CCDC97: variants seen among roughly 807,000 people sequenced by gnomAD.
CCDC97 encodes the protein coiled-coil domain containing 97, also known as coiled-coil domain-containing protein 97.
A neutral mutation model predicts 33.9 loss-of-function variants in CCDC97; 27 were observed. The observed-to-expected ratio is 0.80, with a 90% CI of 0.59 to 1.10. The LOEUF is 1.10. Among genes scored for constraint, CCDC97 ranks in the 50% least tolerant of loss-of-function variants. CCDC97 has a pLI of 0.00. For synonymous variants in CCDC97, 217 were observed against 194.0 expected, an observed-to-expected ratio of 1.12 and a Z score of -0.99; for missense variants, 422 against 476.6, an observed-to-expected ratio of 0.89 and a Z score of 1.07.
intron 1 of CCDC97, among the ~76,000 whole-genome samples, chr19:41,313,375 C>T (rs1035014753): frequency 2.6e-5 from 4 of 152,130 alleles, no homozygotes; most frequent in East Asian, 1.9e-4. Context: ...CTGGATGCCT[C>T]CCTTACTTCC....
Position 41,319,748 on chromosome 19 carries a change from A to G in CCDC97, c.677A>G (p.Gln226Arg). 2 of 1,613,738 alleles carry G rather than the reference A, an allele frequency of 1.2e-6. No homozygotes were observed. Among genetic ancestry groups the G allele is most frequent in the Non-Finnish European group, 1.7e-6 (2 of 1,179,818 alleles). Residue 226 changes from glutamine (Q) to arginine (R), a missense_variant, in exon 3 of 5, where the codon CAG becomes CGG. Physicochemically the swap from Gln to Arg is conservative, Grantham distance 43. Coordinates refer to ENST00000269967, the MANE Select transcript of CCDC97 (RefSeq NM_052848.3). ...TGCCCGCTCTCCAACTTGCTGCTCCAGTCCTACGAGGAGCGGGAGCTACAG... is the reference window on the plus strand; with the variant it reads ...TGCCCGCTCTCCAACTTGCTGCTCCGGTCCTACGAGGAGCGGGAGCTACAG... Reference protein sequence around the residue: ...PACPLSNLLLQSYEERELQQR... With the variant: ...PACPLSNLLLRSYEERELQQR...
At chr19:41,313,794 G>A (rs183082514) in intron 1 of CCDC97, among the ~76,000 whole-genome samples, 42 of 152,170 alleles carry the variant, frequency 2.8e-4, no homozygotes, top group African/African-American at 9.9e-4. Context: ...CTGCCTCATG[G>A]GTTCAAGCGA....
At chr19:41,314,633 T>G (rs1413466508) in intron 1 of CCDC97, among the ~76,000 whole-genome samples, 2 of 152,262 alleles carry the variant, frequency 1.3e-5, no homozygotes, top group Non-Finnish European at 2.9e-5. Flanking sequence ...CCTCATGGCT[T>G]AATCCCTCAC....
chr19:41,319,424 T>A (rs901615750), intron 2 of CCDC97, 150 bp from the exon 3 acceptor site: 6 of 628,154 alleles, frequency 9.6e-6, no homozygotes, highest in Non-Finnish European at 1.6e-5. Context: ...CTCAGGTGCC[T>A]GCATGTTTTC....
Position 41,313,073 on chromosome 19 carries a change from C to CT in CCDC97, c.46+2726dup, listed in dbSNP as rs1003499829. Among the ~76,000 whole-genome samples the CT allele has an allele frequency of 6.7e-4, 102 of 151,278 alleles. 1 individual carries two copies. Among genetic ancestry groups the CT allele is most frequent in the African/African-American group, 1.8e-3 (76 of 41,282 alleles). On this transcript the variant is annotated intron_variant, in intron 1 of 4. Transcript: ENST00000269967. ...AGGGGTGAGCCATTGCAACCGGCCT[C>CT]TTTTTTTTTAAGATAACAGTAATGG...
Position 41,322,790 on chromosome 19 carries a change from C to A in CCDC97, c.*75C>A. ...AGCTGATTCCAGGCCTGCTCAGTGA[C>A]CCTTTCTCTAGGGGGACATCAGGGC... On this transcript the variant is annotated 3_prime_UTR_variant, in exon 5 of 5. Transcript: ENST00000269967. 1 of 1,546,742 alleles carries A rather than the reference C, an allele frequency of 6.5e-7. No homozygotes were observed. The highest frequency in any genetic ancestry group is 2.3e-5 in the East Asian group (1 of 43,816).
At position 41,316,640 on chromosome 19, in the gene CCDC97, C is replaced by G; in HGVS notation, c.303C>G (p.His101Gln). 1 of 1,614,188 alleles carries G rather than the reference C, an allele frequency of 6.2e-7. No individual in the cohort carries two copies. The change falls in exon 2 of 5, where the codon CAC (histidine) becomes CAG (glutamine). Residue 101 changes from histidine to glutamine, a missense_variant. Transcript: ENST00000269967. ...TGGCCATCCTGGCCCAGCTGTACCA[C>G]GAGAAGCCACTGGTGTTCCTGGAGC... is the stretch of plus-strand genomic sequence containing the variant. ...EKVAILAQLY[H>Q]EKPLVFLERF...
In CCDC97 at chr19:41,320,379, G is replaced by C; in HGVS notation, c.820G>C (p.Asp274His). Residue 274 changes from aspartate to histidine, a missense_variant, in exon 4 of 5, where the codon GAC (aspartate) becomes CAC (histidine). Physicochemically the swap from Asp to His is moderately conservative, Grantham distance 81 (BLOSUM62 -1). Coordinates refer to ENST00000269967, the MANE Select transcript of CCDC97 (RefSeq NM_052848.3). ...CAAGGACTCGGAGGCCTGGGTTCCC[G>C]ACTCGGAGGAGAGGCTGATCCTGCG... ...SGKDSEAWVP[D>H]SEERLILREE... 1 of 1,614,078 alleles carries C rather than the reference G, an allele frequency of 6.2e-7. No individual in the cohort carries two copies. Among genetic ancestry groups the C allele is most frequent in the South Asian group, 1.1e-5 (1 of 91,058 alleles).
At chr19:41,314,394 A>G (rs1456559666) in intron 1 of CCDC97, among the ~76,000 whole-genome samples, 1 of 152,110 alleles carries the variant, frequency 6.6e-6, no homozygotes, top group Non-Finnish European at 1.5e-5. Context: ...CACCTGCCAC[A>G]GCCTCCCAAA....
chr19:41,324,578 T>G lies in CCDC97; in HGVS notation c.*1863T>G, dbSNP rs889069343. Reference sequence around the variant, plus strand: ...CAGACAGGATCAGGTCATCTTGATATGGAGATCAGTCCCCAAATCACTGAA... The same window carrying G: ...CAGACAGGATCAGGTCATCTTGATAGGGAGATCAGTCCCCAAATCACTGAA... On this transcript the variant is annotated 3_prime_UTR_variant, in exon 5 of 5. Coordinates refer to ENST00000269967, the MANE Select transcript of CCDC97 (RefSeq NM_052848.3). The G allele has an allele frequency of 2.0e-5, 3 of 152,284 alleles. No individual in the cohort carries two copies. The highest frequency in any genetic ancestry group is 4.4e-5 in the Non-Finnish European group (3 of 68,066). The allele number at this position is 152,284 out of a possible 1,614,324, so 9.4% of individuals were successfully genotyped here.
Position 41,322,980 on chromosome 19 carries a change from C to T in CCDC97, c.*265C>T, listed in dbSNP as rs1599877990. On this transcript the variant is annotated 3_prime_UTR_variant, in exon 5 of 5. Coordinates refer to ENST00000269967, the MANE Select transcript of CCDC97 (RefSeq NM_052848.3). ...TGGGCTTCTTTCTGTCTCTTTCTGT[C>T]TTTCTGTCTCTCTCCCTACCCCCGC... 1 of 300,662 alleles carries T rather than the reference C, an allele frequency of 3.3e-6. No individual in the cohort carries two copies. Among genetic ancestry groups the T allele is most frequent in the East Asian group, 7.2e-5 (1 of 13,808 alleles). 18.6% of individuals were successfully genotyped at this position (300,662 alleles called of 1,614,324 possible). A position where few individuals can be genotyped will look rare whatever the true frequency, so the allele number is the denominator to read the frequency against.
At chr19:41,311,442 A>G (rs970349321) in intron 1 of CCDC97, among the ~76,000 whole-genome samples, 2 of 151,828 alleles carry the variant, frequency 1.3e-5, no homozygotes, top group Non-Finnish European at 2.9e-5. Flanking sequence ...CAAAAAATTT[A>G]AAAATTAAGG....
At chr19:41,316,059 C>T (rs540197861) in intron 1 of CCDC97, among the ~76,000 whole-genome samples, 48 of 152,288 alleles carry the variant, frequency 3.2e-4, no homozygotes, top group Non-Finnish European at 6.5e-4. Context: ...GCGCCCTGCA[C>T]TCCAGCCTGG....
chr19:41,313,581 C>T (rs945949998), intron 1 of CCDC97, among the ~76,000 whole-genome samples: 5 of 152,216 alleles, frequency 3.3e-5, no homozygotes, highest in African/African-American at 1.2e-4. Context: ...AACCCAGCCA[C>T]GCTGCTTAAA....
At chr19:41,312,919 A>C (rs1293869690) in intron 1 of CCDC97, among the ~76,000 whole-genome samples, 1 of 151,886 alleles carries the variant, frequency 6.6e-6, no homozygotes, top group African/African-American at 2.4e-5. Flanking sequence ...ACCTGGGACT[A>C]CAGGAGTGCG....
rs1382830010 is a variant in CCDC97 at position 41,316,664 on chromosome 19, G to T, written c.327G>T (p.Glu109Asp). 3 of 1,614,056 alleles carry T rather than the reference G, an allele frequency of 1.9e-6. No individual in the cohort carries two copies. The Admixed American group carries it at 5.0e-5, about 27-fold the overall frequency. Residue 109 changes from glutamate (E) to aspartate (D), a missense_variant, in exon 2 of 5, where the codon GAG (glutamate) becomes GAT (aspartate). Transcript: ENST00000269967. Reference protein sequence around the residue: ...LYHEKPLVFLERFRTGLREEH... With the variant: ...LYHEKPLVFLDRFRTGLREEH... ...ACGAGAAGCCACTGGTGTTCCTGGA[G>T]CGCTTCCGCACAGGCCTCCGTGAGG... is the stretch of plus-strand genomic sequence containing the variant.
In CCDC97 at chr19:41,322,946, G is replaced by A. The variant is rs2037840520; in HGVS notation, c.*231G>A. 8 of 380,678 alleles carry A rather than the reference G, an allele frequency of 2.1e-5. No individual in the cohort carries two copies. The highest frequency in any genetic ancestry group is 2.9e-5 in the Non-Finnish European group (6 of 207,756). The allele number at this position is 380,678 out of a possible 1,614,324, so 23.6% of individuals were successfully genotyped here. ...CTGTCTCCTGCCTCTGTCTTTCTTG[G>A]TGTCTGTCTGGGCTTCTTTCTGTCT... On this transcript the variant is annotated 3_prime_UTR_variant, in exon 5 of 5. Coordinates refer to ENST00000269967, the MANE Select transcript of CCDC97 (RefSeq NM_052848.3).
chr19:41,319,896 G>A (rs1212195935), intron 3 of CCDC97, 44 bp downstream of exon 3: 1 of 921,966 alleles, frequency 1.1e-6, no homozygotes, highest in Non-Finnish European at 1.6e-6. Flanking sequence ...AGACACCCCA[G>A]CCCTAGGCCT....
chr19:41,321,241 G>T (rs1156738563), intron 4 of CCDC97, among the ~76,000 whole-genome samples: 1 of 152,240 alleles, frequency 6.6e-6, no homozygotes, highest in Non-Finnish European at 1.5e-5. Context: ...CCTGGCTCTT[G>T]AATGGAATCT....
Sources: gnomAD v4.1 joint callset for allele counts (sites outside exome capture counted in the v4.1 genomes callset) on GRCh38, gnomAD v4.1.1 for gene constraint, MANE v1.5 for transcripts, NCBI Gene and HGNC (gene_info 2026-07-23, HGNC 2026-07-21) for gene names.